The following ETFA variants were observed in gnomAD, a reference collection of about 807,000 sequenced individuals.
ETFA encodes electron transfer flavoprotein subunit alpha, mitochondrial.
ETFA carries 22 observed loss-of-function variants against 46.2 expected under a neutral mutation model. The observed-to-expected ratio is 0.48, with a 90% CI of 0.34 to 0.68. The LOEUF is 0.68. Among genes scored for constraint, ETFA ranks in the 30% least tolerant of loss-of-function variants. The pLI, the probability that ETFA is intolerant of heterozygous loss-of-function variation, is 0.01. For missense variants in ETFA, 345 were observed against 401.1 expected (o/e 0.86, Z 1.19); for synonymous variants, 131 against 139.9 (o/e 0.94, Z 0.45).
intron 8 of ETFA, among the ~76,000 whole-genome samples, chr15:76,281,027 G>A (rs1324031661): frequency 6.9e-6 from 1 of 144,368 alleles, no homozygotes; most frequent in Non-Finnish European, 1.5e-5. Flanking sequence ...TGATCCTGCC[G>A]CCTCAGCCTC....
intron 8 of ETFA, among the ~76,000 whole-genome samples, chr15:76,277,427 G>T (rs1303567880): frequency 6.6e-6 from 1 of 152,000 alleles, no homozygotes; most frequent in Non-Finnish European, 1.5e-5. Flanking sequence ...ATGTGGAAGA[G>T]CTCCTGAAGG....
chr15:76,253,292 C>T (rs895930080), intron 9 of ETFA, among the ~76,000 whole-genome samples: 10 of 151,794 alleles, frequency 6.6e-5, no homozygotes, highest in Non-Finnish European at 1.3e-4. Context: ...TTGTGAATGA[C>T]CCAAAAAAGC....
intron 8 of ETFA, among the ~76,000 whole-genome samples, chr15:76,281,545 C>T (rs1292905598): frequency 6.6e-6 from 1 of 151,998 alleles, no homozygotes; most frequent in Non-Finnish European, 1.5e-5. Context: ...CCTGCCTTAG[C>T]CTCCCAAGTA....
At chr15:76,270,877 A>G (rs2039522584) in intron 9 of ETFA, among the ~76,000 whole-genome samples, 1 of 152,168 alleles carries the variant, frequency 6.6e-6, no homozygotes, top group Non-Finnish European at 1.5e-5. Flanking sequence ...TGAATAAATC[A>G]AAAGTTTATT....
Position 76,295,933 on chromosome 15 carries a change from A to ATTTTTTTTTTTTTTTTTTTTTTTTTTTT in ETFA, c.40-197_40-196insAAAAAAAAAAAAAAAAAAAAAAAAAAAA, listed in dbSNP as rs1555459250. On this transcript the variant is annotated intron_variant, in intron 1 of 11. Transcript: ENST00000557943. ...TTGTGTCTATCACTGTACCACTAAT[A>ATTTTTTTTTTTTTTTTTTTTTTTTTTTT]TTCTTTTTTTTTTTTTTTTTTTTTT... is the stretch of plus-strand genomic sequence containing the variant. Among the ~76,000 whole-genome samples the ATTTTTTTTTTTTTTTTTTTTTTTTTTTT allele has an allele frequency of 6.8e-5, 4 of 58,512 alleles. 1 individual carries two copies. The highest frequency in any genetic ancestry group is 1.6e-4 in the Non-Finnish European group (4 of 25,264). The allele number at this position is 58,512 out of a possible 152,430, so 38.4% of individuals were successfully genotyped here. A position where few individuals can be genotyped will look rare whatever the true frequency, so the allele number is the denominator to read the frequency against.
intron 9 of ETFA, among the ~76,000 whole-genome samples, chr15:76,269,671 C>G (rs1468582840): frequency 6.6e-6 from 1 of 152,114 alleles, no homozygotes; most frequent in Non-Finnish European, 1.5e-5. Context: ...TGGGTCTGAT[C>G]ACCCCAACAA....
intron 1 of ETFA, among the ~76,000 whole-genome samples, chr15:76,301,585 C>T (rs948815038): frequency 6.6e-6 from 1 of 152,164 alleles, no homozygotes; most frequent in African/African-American, 2.4e-5. Context: ...GTGGCACACG[C>T]CATAGTCCCA....
At chr15:76,289,646 T>C (rs764507211) in intron 4 of ETFA, among the ~76,000 whole-genome samples, 3 of 152,188 alleles carry the variant, frequency 2.0e-5, no homozygotes, top group African/African-American at 4.8e-5. Context: ...GAAGCAATAA[T>C]TGAGTTCTTT....
At chr15:76,254,953 A>C (rs905617882) in intron 9 of ETFA, among the ~76,000 whole-genome samples, 1 of 152,210 alleles carries the variant, frequency 6.6e-6, no homozygotes, top group African/African-American at 2.4e-5. Context: ...CAAGAAATAC[A>C]CTGTTGTCTT....
chr15:76,246,149 C>T (rs1288622592), intron 9 of ETFA, among the ~76,000 whole-genome samples: 1 of 152,222 alleles, frequency 6.6e-6, no homozygotes, highest in Admixed American at 6.5e-5. Context: ...TAAATATTAA[C>T]TCATTTAAGC....
intron 9 of ETFA, among the ~76,000 whole-genome samples, chr15:76,236,860 A>T (rs1171344938): frequency 6.6e-6 from 1 of 152,256 alleles, no homozygotes; most frequent in African/African-American, 2.4e-5. Context: ...AGTAACTTAT[A>T]TTTAGTTCTT....
At chr15:76,242,251 C>T (rs912134500) in intron 9 of ETFA, among the ~76,000 whole-genome samples, 9 of 152,188 alleles carry the variant, frequency 5.9e-5, no homozygotes, top group Admixed American at 5.2e-4. Context: ...ATTATCTATG[C>T]GATCTCTTTA....
chr15:76,280,917 CTTTTTTTTT>C (rs35907442), intron 8 of ETFA, among the ~76,000 whole-genome samples: 2 of 102,064 alleles, frequency 2.0e-5, no homozygotes, highest in Non-Finnish European at 1.8e-5. Context: ...GTTCAGATGT[CTTTTTTTTT>C]TTTTTTTTTT....
intron 11 of ETFA, 75 bp from the exon 12 acceptor site, chr15:76,216,672 C>G (rs982587908): frequency 3.1e-6 from 3 of 958,112 alleles, no homozygotes; most frequent in Non-Finnish European, 5.1e-6. Flanking sequence ...GTAAGCATTA[C>G]AGGGAGGCCA....
intron 4 of ETFA, among the ~76,000 whole-genome samples, chr15:76,291,024 C>T (rs908378675): frequency 3.3e-5 from 5 of 152,020 alleles, no homozygotes; most frequent in East Asian, 1.9e-4. Context: ...AAGACAAGCC[C>T]GCACAACATA....
chr15:76,241,227 G>A (rs917904423), intron 9 of ETFA, among the ~76,000 whole-genome samples: 19 of 152,156 alleles, frequency 1.2e-4, no homozygotes, highest in African/African-American at 3.6e-4. Flanking sequence ...AAGGCTGGGT[G>A]CAGTGGCTCA....
intron 1 of ETFA, among the ~76,000 whole-genome samples, chr15:76,306,263 GCTT>G (rs1225431586): frequency 1.2e-5 from 1 of 82,966 alleles, no homozygotes; most frequent in Non-Finnish European, 2.3e-5. Flanking sequence ...GGGTTTTTTT[GCTT>G]CTTTTTTTTT....
intron 1 of ETFA, among the ~76,000 whole-genome samples, chr15:76,297,314 T>G (rs1387394106): frequency 6.6e-6 from 1 of 151,918 alleles, no homozygotes; most frequent in African/African-American, 2.4e-5. Context: ...TACCCTTTCT[T>G]TTTTCGTTGG....
intron 8 of ETFA, among the ~76,000 whole-genome samples, chr15:76,282,111 C>T (rs2039660387): frequency 6.6e-6 from 1 of 151,954 alleles, no homozygotes; most frequent in South Asian, 2.1e-4. Context: ...ACCACGTTGG[C>T]CAGGCTAGTC....
Sources: allele counts gnomAD v4.1 joint callset (sites outside exome capture counted in the v4.1 genomes callset), GRCh38; gene constraint gnomAD v4.1.1; transcripts MANE v1.5; gene names NCBI Gene and HGNC (gene_info 2026-07-23, HGNC 2026-07-21).